The following PLCH1 variants were observed in gnomAD, a reference collection of about 807,000 sequenced individuals.
The protein encoded by PLCH1 is phospholipase C eta 1, also known as 1-phosphatidylinositol 4,5-bisphosphate phosphodiesterase eta-1.
Under a neutral mutation model 126.7 loss-of-function variants are expected in PLCH1, and 60 were observed. The ratio of observed to expected loss-of-function variants is 0.47; its 90% CI spans 0.38 to 0.59. The LOEUF (loss-of-function observed/expected upper bound fraction) is 0.59. Ranked by LOEUF, PLCH1 falls within the 20% of genes least tolerant of loss-of-function variation. PLCH1 has a pLI of 0.00. For missense variants in PLCH1, 1,723 were observed against 2,040.0 expected (o/e 0.84, Z 2.99); for synonymous variants, 719 against 734.9 (o/e 0.98, Z 0.35).
chr3:155,688,898 A>G (rs1382230367), intron 2 of PLCH1, among the ~76,000 whole-genome samples: 3 of 152,174 alleles, frequency 2.0e-5, no homozygotes, highest in Non-Finnish European at 4.4e-5. Flanking sequence ...CATCAGGTAA[A>G]TTGCTAAAGT....
In PLCH1 at chr3:155,745,039, A is replaced by C. The variant is rs191193042; in HGVS notation, c.-240T>G. 14 of 152,616 alleles carry C rather than the reference A, an allele frequency of 9.2e-5. No homozygotes were observed. The allele number at this position is 152,616 out of a possible 1,614,324, so 9.5% of individuals were successfully genotyped here. On this transcript the variant is annotated 5_prime_UTR_variant, in exon 1 of 23. Coordinates refer to ENST00000460012, the MANE Select transcript of PLCH1 (RefSeq NM_014996.4). Reference sequence around the variant, plus strand: ...AAGCCCCAGACGAGCGGGGAAGAGCAGGGCGCCGCCGCCACAACCTGCTTT... The same window carrying C: ...AAGCCCCAGACGAGCGGGGAAGAGCCGGGCGCCGCCGCCACAACCTGCTTT...
intron 2 of PLCH1, among the ~76,000 whole-genome samples, chr3:155,665,090 CCT>C (rs1742579088): frequency 6.6e-6 from 1 of 152,046 alleles, no homozygotes; most frequent in Non-Finnish European, 1.5e-5. Flanking sequence ...CTAACATGAT[CCT>C]CTGCTTTCTT....
At chr3:155,570,658 G>A (rs970895764) in intron 6 of PLCH1, among the ~76,000 whole-genome samples, 1 of 152,154 alleles carries the variant, frequency 6.6e-6, no homozygotes, top group Non-Finnish European at 1.5e-5. Context: ...AAAAATTAAT[G>A]TTGAGAGAGG....
At chr3:155,524,092 A>G (rs1208595960) in intron 10 of PLCH1, 88 bp from the exon 11 acceptor site, 1 of 804,428 alleles carries the variant, frequency 1.2e-6, no homozygotes, top group African/African-American at 1.7e-5. Context: ...CCATTGATGG[A>G]TGAGAGGATA....
chr3:155,489,773 G>GT (rs1278108489), intron 19 of PLCH1, among the ~76,000 whole-genome samples: 1 of 152,128 alleles, frequency 6.6e-6, no homozygotes, highest in Non-Finnish European at 1.5e-5. Flanking sequence ...ATAAGTTTCT[G>GT]TTTTTCTTCC....
chr3:155,725,593 G>T (rs904232259), intron 1 of PLCH1, among the ~76,000 whole-genome samples: 2 of 151,726 alleles, frequency 1.3e-5, no homozygotes, highest in Non-Finnish European at 2.9e-5. Context: ...GATTACAGAT[G>T]CATGCCCGGC....
At chr3:155,722,194 G>T (rs577637309) in intron 1 of PLCH1, among the ~76,000 whole-genome samples, 1 of 151,382 alleles carries the variant, frequency 6.6e-6, no homozygotes, top group South Asian at 2.1e-4. Context: ...ATGGAGTTTC[G>T]CTCCTGTTGC....
intron 1 of PLCH1, among the ~76,000 whole-genome samples, chr3:155,708,966 C>G (rs1025849969): frequency 6.6e-6 from 1 of 152,154 alleles, no homozygotes; most frequent in Non-Finnish European, 1.5e-5. Flanking sequence ...CCCTGACGAG[C>G]ACTGATAATT....
chr3:155,543,676 T>C lies in PLCH1; in HGVS notation c.1362+6111A>G, dbSNP rs563640110. Among the ~76,000 whole-genome samples the C allele has an allele frequency of 4.8e-3, 729 of 152,152 alleles. 2 individuals carry two copies. The highest frequency in any genetic ancestry group is 7.7e-3 in the Non-Finnish European group (523 of 67,980). On this transcript the variant is annotated intron_variant, in intron 10 of 22. Coordinates refer to ENST00000460012, the MANE Select transcript of PLCH1 (RefSeq NM_014996.4). ...ACCCACAAAGGGAAGCCCATCAGAC[T>C]AACAGCGGATCTCTCGGCAGAAACT...
At chr3:155,707,558 G>A (rs573495570) in intron 1 of PLCH1, among the ~76,000 whole-genome samples, 1 of 151,976 alleles carries the variant, frequency 6.6e-6, no homozygotes, top group African/African-American at 2.4e-5. Flanking sequence ...GCGTGGGGGT[G>A]GGCGCCTGTA....
intron 21 of PLCH1, among the ~76,000 whole-genome samples, chr3:155,454,852 C>A (rs2107967409): frequency 6.6e-6 from 1 of 152,286 alleles, no homozygotes; most frequent in East Asian, 1.9e-4. Context: ...TTGTTATCAA[C>A]AGAGTAGGCC....
chr3:155,639,411 C>T (rs56050389), intron 2 of PLCH1, among the ~76,000 whole-genome samples: 2,403 of 152,174 alleles, frequency 0.016, 66 homozygotes, highest in African/African-American at 0.053. Context: ...CAGTGGGGCA[C>T]GTTCATGTAA....
intron 21 of PLCH1, chr3:155,486,203 T>C (rs1715058191): frequency 6.5e-7 from 1 of 1,542,018 alleles, no homozygotes; most frequent in Non-Finnish European, 8.8e-7. Context: ...ATTAAAGGGC[T>C]CCACTGTAAA....
chr3:155,661,558 G>A (rs990059993), intron 2 of PLCH1, among the ~76,000 whole-genome samples: 53 of 151,982 alleles, frequency 3.5e-4, no homozygotes, highest in Non-Finnish European at 1.0e-4. Context: ...CTCATAAAAA[G>A]AACAAGCTTT....
At chr3:155,655,486 T>A (rs977658769) in intron 2 of PLCH1, among the ~76,000 whole-genome samples, 4 of 152,104 alleles carry the variant, frequency 2.6e-5, no homozygotes, top group Non-Finnish European at 5.9e-5. Flanking sequence ...AGTCGCTATT[T>A]GTGTTTCACA....
chr3:155,554,250 T>C, intron 8 of PLCH1, 54 bp from the exon 9 acceptor site: 1 of 1,566,644 alleles, frequency 6.4e-7, no homozygotes, highest in South Asian at 1.2e-5. Context: ...TGTTTATTAA[T>C]ATTTCTGGAA....
intron 2 of PLCH1, among the ~76,000 whole-genome samples, chr3:155,603,041 C>T (rs567392050): frequency 4.0e-4 from 61 of 152,190 alleles, no homozygotes; most frequent in African/African-American, 1.3e-3. Flanking sequence ...CATGACCATT[C>T]GCCGAGATTA....
chr3:155,628,410 G>A (rs1212602238), intron 2 of PLCH1, among the ~76,000 whole-genome samples: 2 of 148,424 alleles, frequency 1.3e-5, no homozygotes, highest in African/African-American at 2.5e-5. Flanking sequence ...GACACCAAGA[G>A]GAATCTGAGC....
intron 1 of PLCH1, among the ~76,000 whole-genome samples, chr3:155,732,042 T>C (rs1274808239): frequency 1.3e-5 from 1 of 75,772 alleles, no homozygotes; most frequent in African/African-American, 5.3e-5. Flanking sequence ...CTGAACAAAA[T>C]AAAACACTAC....
Sources: allele counts gnomAD v4.1 joint callset (sites outside exome capture counted in the v4.1 genomes callset), GRCh38; gene constraint gnomAD v4.1.1; transcripts MANE v1.5; gene names NCBI Gene and HGNC (gene_info 2026-07-23, HGNC 2026-07-21).